The following ZNF135 variants were observed in gnomAD, a reference collection of about 807,000 sequenced individuals.
ZNF135 encodes zinc finger protein 135, also known as zinc finger protein 135 (clone pHZ-17).
A neutral mutation model predicts 12.3 loss-of-function variants in ZNF135; 11 were observed. The ratio of observed to expected loss-of-function variants is 0.89; its 90% CI spans 0.56 to 1.48. The LOEUF is 1.48. Among genes scored for constraint, ZNF135 ranks in the 40% most tolerant of loss-of-function variants. ZNF135 has a pLI of 0.00. For missense variants in ZNF135, 722 were observed against 815.7 expected (o/e 0.89, Z 1.40); for synonymous variants, 316 against 312.0 (o/e 1.01, Z -0.14).
chr19:58,067,997 C>CA lies in ZNF135; in HGVS notation c.1514dup (p.His505GlnfsTer47). On this transcript the variant is annotated frameshift_variant, in exon 5 of 5. Transcript: ENST00000313434. LOFTEE classifies it low-confidence loss of function (END_TRUNC). ...CAATGACTGCGGCAAGGCATTCAGTCACAGCTCGTCCCTCACCAAACATCA... is the reference window on the plus strand; with the variant it reads ...CAATGACTGCGGCAAGGCATTCAGTCAACAGCTCGTCCCTCACCAAACATCA... 6.2e-7 allele frequency: 1 copy of CA among 1,614,038 alleles called. No homozygotes were observed. Among genetic ancestry groups the CA allele is most frequent in the Non-Finnish European group, 8.5e-7 (1 of 1,180,008 alleles).
rs1019471881 is a variant in ZNF135 at position 58,065,586 on chromosome 19, GT to G, written c.257-1154del. Reference sequence around the variant, plus strand: ...CCATCTTCACAGTCAGCAAGGCCTGGTCAAGTCACATCATATTCACTCTGAC... The same window carrying G: ...CCATCTTCACAGTCAGCAAGGCCTGGCAAGTCACATCATATTCACTCTGAC... On this transcript the variant is annotated intron_variant, in intron 4 of 4. Coordinates refer to ENST00000313434, the MANE Select transcript of ZNF135 (RefSeq NM_001289401.2). This position sits in a 1 kb window ranked among gnomAD's most constrained non-coding sequence, Gnocchi z 4.0. Among the ~76,000 whole-genome samples the G allele has an allele frequency of 1.3e-5, 2 of 152,118 alleles. No individual in the cohort carries two copies. Among genetic ancestry groups the G allele is most frequent in the Non-Finnish European group, 2.9e-5 (2 of 68,022 alleles).
In ZNF135 at chr19:58,059,441, C is replaced by A; in HGVS notation, c.-35+131C>A. The A allele has an allele frequency of 1.0e-6, 1 of 996,910 alleles. No individual in the cohort carries two copies. Among genetic ancestry groups the A allele is most frequent in the Non-Finnish European group, 1.4e-6 (1 of 722,468 alleles). 61.8% of individuals were successfully genotyped at this position (996,910 alleles called of 1,614,324 possible). ...CAGCAGCGCGCGTCTGTGTGGAGTC[C>A]GTTTTGCTGCCCGGGGCCTGGGGAA... On this transcript the variant is annotated intron_variant, in intron 1 of 4. Transcript: ENST00000313434. This position sits in a 1 kb window ranked among gnomAD's most constrained non-coding sequence, Gnocchi z 6.5.
chr19:58,068,386 T>C lies in ZNF135; in HGVS notation c.1902T>C (p.Tyr634=), dbSNP rs1207232150. 4 of 1,614,188 alleles carry C rather than the reference T, an allele frequency of 2.5e-6. No homozygotes were observed. The Admixed American group carries it at 6.7e-5, about 27-fold the overall frequency. Residue 634 remains tyrosine, a synonymous_variant, in exon 5 of 5, where the codon TAT becomes TAC. Coordinates refer to ENST00000313434, the MANE Select transcript of ZNF135 (RefSeq NM_001289401.2). ...HRRIHTGEKP[Y]ACRDCGKAFT... ...GGATCCACACAGGAGAGAAGCCATA[T>C]GCATGCAGGGACTGTGGAAAGGCCT... is the stretch of plus-strand genomic sequence containing the variant.
rs138718353 is a variant in ZNF135 at position 58,060,326 on chromosome 19, G to A, written c.33+291G>A. ...GTGTCCGGCCTCTACCTGCACACCC[G>A]GCCTCCTAAAGTCCGCGCCAAGCTC... On this transcript the variant is annotated intron_variant, in intron 2 of 4. Coordinates refer to ENST00000313434, the MANE Select transcript of ZNF135 (RefSeq NM_001289401.2). The surrounding 1 kb of genome is among the most constrained non-coding windows in gnomAD (Gnocchi z 4.9). The A allele has an allele frequency of 2.2e-4, 298 of 1,341,234 alleles. No individual in the cohort carries two copies. In the African/African-American group the frequency reaches 3.8e-3, roughly 17 times the overall value. The allele number at this position is 1,341,234 out of a possible 1,614,324, so 83.1% of individuals were successfully genotyped here.
chr19:58,061,492 G>A (rs937070726), intron 2 of ZNF135, 88 bp from the exon 3 acceptor site: 23 of 1,513,670 alleles, frequency 1.5e-5, no homozygotes, highest in African/African-American at 2.8e-5. Context: ...AACTCCATCC[G>A]ACCCAGCCTG....
Position 58,060,780 on chromosome 19 carries a change from C to A in ZNF135, c.33+745C>A, listed in dbSNP as rs771149725. 5.6e-4 allele frequency among the ~76,000 whole-genome samples: 86 copies of A among 152,234 alleles called. No homozygotes were observed. Among genetic ancestry groups the A allele is most frequent in the Non-Finnish European group, 9.0e-4 (61 of 68,020 alleles). ...GGCTGCAGTGAGCCATGATGTGCCA[C>A]TGCACTCCAGCCTGAATGACAGTGG... On this transcript the variant is annotated intron_variant, in intron 2 of 4. Transcript: ENST00000313434. The surrounding 1 kb of genome is among the most constrained non-coding windows in gnomAD (Gnocchi z 4.9).
rs2074046430 is a variant in ZNF135 at position 58,065,314 on chromosome 19, C to A, written c.257-1427C>A. Among the ~76,000 whole-genome samples, 1 of 152,226 alleles carries A rather than the reference C, an allele frequency of 6.6e-6. No homozygotes were observed. The highest frequency in any genetic ancestry group is 2.1e-4 in the South Asian group (1 of 4,818). ...GCTCAGGTGATCCTCCTGCCTCAGC[C>A]TCCTGAGTAGCTGAGACTACAGGTG... On this transcript the variant is annotated intron_variant, in intron 4 of 4. Coordinates refer to ENST00000313434, the MANE Select transcript of ZNF135 (RefSeq NM_001289401.2). This position sits in a 1 kb window ranked among gnomAD's most constrained non-coding sequence, Gnocchi z 4.0.
chr19:58,059,657 G>A lies in ZNF135; in HGVS notation c.-34-312G>A. 5.8e-6 allele frequency: 3 copies of A among 512,834 alleles called. No individual in the cohort carries two copies. The highest frequency in any genetic ancestry group is 6.8e-6 in the Non-Finnish European group (2 of 292,754). 31.8% of individuals were successfully genotyped at this position (512,834 alleles called of 1,614,324 possible). A position where few individuals can be genotyped will look rare whatever the true frequency, so the allele number is the denominator to read the frequency against. ...CCTTTGTTGATGGAAGAGAGAAACT[G>A]AGGCATAGTGCCCAGGGCCAGGGGA... On this transcript the variant is annotated intron_variant, in intron 1 of 4. Coordinates refer to ENST00000313434, the MANE Select transcript of ZNF135 (RefSeq NM_001289401.2). This position sits in a 1 kb window ranked among gnomAD's most constrained non-coding sequence, Gnocchi z 6.5.
chr19:58,068,797 C>T lies in ZNF135; in HGVS notation c.*336C>T. ...AGTGGATCCAGGGAACGCTTTTGTC[C>T]AAGGATTCACCGTATTCCAAACCAG... On this transcript the variant is annotated 3_prime_UTR_variant, in exon 5 of 5. Coordinates refer to ENST00000313434, the MANE Select transcript of ZNF135 (RefSeq NM_001289401.2). The T allele has an allele frequency of 4.5e-6, 1 of 220,004 alleles. No homozygotes were observed. The highest frequency in any genetic ancestry group is 1.1e-4 in the South Asian group (1 of 8,950). The allele number at this position is 220,004 out of a possible 1,614,324, so 13.6% of individuals were successfully genotyped here.
At chr19:58,061,099 G>T (rs1447347051) in intron 2 of ZNF135, among the ~76,000 whole-genome samples, 1 of 150,176 alleles carries the variant, frequency 6.7e-6, no homozygotes, top group Non-Finnish European at 1.5e-5. Flanking sequence ...CTGCACTCTA[G>T]CCTGGGCGAC....
rs768544761 is a variant in ZNF135, at chr19:58,068,524, T to G, written c.*63T>G. 2 of 1,552,146 alleles carry G rather than the reference T, an allele frequency of 1.3e-6. No homozygotes were observed. The highest frequency in any genetic ancestry group is 8.7e-7 in the Non-Finnish European group (1 of 1,149,166). On this transcript the variant is annotated 3_prime_UTR_variant, in exon 5 of 5. Coordinates refer to ENST00000313434, the MANE Select transcript of ZNF135 (RefSeq NM_001289401.2). ...AAGCCATAGCTCATCCCTTTCTAGA[T>G]TTGACCCAATCATACACATGAGAAA...
At position 58,059,411 on chromosome 19, in the gene ZNF135, GT is replaced by G; in HGVS notation, c.-35+104del. 1 of 985,094 alleles carries G rather than the reference GT, an allele frequency of 1.0e-6. No homozygotes were observed. Among genetic ancestry groups the G allele is most frequent in the Non-Finnish European group, 1.4e-6 (1 of 720,736 alleles). The allele number at this position is 985,094 out of a possible 1,614,324, so 61.0% of individuals were successfully genotyped here. A position where few individuals can be genotyped will look rare whatever the true frequency, so the allele number is the denominator to read the frequency against. Reference sequence around the variant, plus strand: ...TCTTCCTGAGGCCCTGGCGGGGCGAGTTTCCAGCAGCGCGCGTCTGTGTGGA... The same window carrying G: ...TCTTCCTGAGGCCCTGGCGGGGCGAGTTCCAGCAGCGCGCGTCTGTGTGGA... On this transcript the variant is annotated intron_variant, in intron 1 of 4. Transcript: ENST00000313434. This position sits in a 1 kb window ranked among gnomAD's most constrained non-coding sequence, Gnocchi z 6.5.
In ZNF135 at chr19:58,059,398, C is replaced by T. The variant is rs527739398; in HGVS notation, c.-35+88C>T. 1 of 921,760 alleles carries T rather than the reference C, an allele frequency of 1.1e-6. No individual in the cohort carries two copies. Among genetic ancestry groups the T allele is most frequent in the South Asian group, 1.9e-5 (1 of 52,262 alleles). The allele number at this position is 921,760 out of a possible 1,614,324, so 57.1% of individuals were successfully genotyped here. A position where few individuals can be genotyped will look rare whatever the true frequency, so the allele number is the denominator to read the frequency against. ...GGGGGTCCGGGGATCTTCCTGAGGC[C>T]CTGGCGGGGCGAGTTTCCAGCAGCG... On this transcript the variant is annotated intron_variant, in intron 1 of 4. Coordinates refer to ENST00000313434, the MANE Select transcript of ZNF135 (RefSeq NM_001289401.2). The surrounding 1 kb of genome is among the most constrained non-coding windows in gnomAD (Gnocchi z 6.5).
In ZNF135 at chr19:58,065,582, C is replaced by G. The variant is rs1221742510; in HGVS notation, c.257-1159C>G. 2.6e-5 allele frequency among the ~76,000 whole-genome samples: 4 copies of G among 152,188 alleles called. No homozygotes were observed. Among genetic ancestry groups the G allele is most frequent in the African/African-American group, 9.7e-5 (4 of 41,440 alleles). On this transcript the variant is annotated intron_variant, in intron 4 of 4. Transcript: ENST00000313434. This position sits in a 1 kb window ranked among gnomAD's most constrained non-coding sequence, Gnocchi z 4.0. ...TTGTCCATCTTCACAGTCAGCAAGG[C>G]CTGGTCAAGTCACATCATATTCACT...
At position 58,067,169 on chromosome 19, in the gene ZNF135, C is replaced by T. The variant is rs747580780; in HGVS notation, c.685C>T (p.Leu229Phe). 3.7e-5 allele frequency: 59 copies of T among 1,614,056 alleles called. No individual in the cohort carries two copies. The highest frequency in any genetic ancestry group is 4.3e-5 in the Non-Finnish European group (51 of 1,180,044). ...CGKAFSHSSA[L>F]IEHHRTHTGE... ...AAAGGCCTTTAGTCACAGCTCAGCA[C>T]TTATCGAACACCACCGGACGCACAC... The change falls in exon 5 of 5, where the codon CTT (leucine) becomes TTT (phenylalanine). Residue 229 changes from leucine to phenylalanine, a missense_variant. Transcript: ENST00000313434.
In ZNF135 at chr19:58,068,165, C is replaced by G. The variant is rs754735230; in HGVS notation, c.1681C>G (p.Gln561Glu). ...TAACCAGTGTGGCAGAGCCTTCAGC[C>G]AGAGCTCCCTTCTCATCGAACACCA... ...ECNQCGRAFS[Q>E]SSLLIEHQRI... Residue 561 changes from glutamine (Q) to glutamate (E), a missense_variant, in exon 5 of 5, where the codon CAG becomes GAG. Gln to Glu is a conservative substitution (Grantham distance 29). Transcript: ENST00000313434. The G allele has an allele frequency of 6.2e-7, 1 of 1,613,912 alleles. No homozygotes were observed. The highest frequency in any genetic ancestry group is 1.7e-5 in the Admixed American group (1 of 59,978).
At chr19:58,061,034 A>T (rs1465976285) in intron 2 of ZNF135, among the ~76,000 whole-genome samples, 1 of 151,624 alleles carries the variant, frequency 6.6e-6, no homozygotes. Context: ...AGGCTGAGGC[A>T]GGAGAATGGC....
rs192195106 is a variant in ZNF135, at chr19:58,060,922, C to G, written c.34-658C>G. Among the ~76,000 whole-genome samples the G allele has an allele frequency of 9.9e-5, 15 of 152,042 alleles. No individual in the cohort carries two copies. Among genetic ancestry groups the G allele is most frequent in the Admixed American group, 3.9e-4 (6 of 15,254 alleles). On this transcript the variant is annotated intron_variant, in intron 2 of 4. Transcript: ENST00000313434. This position sits in a 1 kb window ranked among gnomAD's most constrained non-coding sequence, Gnocchi z 4.9. ...TGGGCGGATCACGAGGTCAGGAGAT[C>G]GAGACCATCCTGGCGAACACGGTGA...
At position 58,061,618 on chromosome 19, in the gene ZNF135, C is replaced by T. The variant is rs1014393237; in HGVS notation, c.72C>T (p.Ser24=). The change falls in exon 3 of 5, where the codon AGC becomes AGT. Residue 24 remains serine, a synonymous_variant. Coordinates refer to ENST00000313434, the MANE Select transcript of ZNF135 (RefSeq NM_001289401.2). The part of the protein sequence containing the change: ...VTFEDVVVGF[S]QEEWGQLKPA... Reference sequence around the variant, plus strand: ...TTGAGGACGTGGTAGTGGGCTTCAGCCAGGAGGAGTGGGGGCAGCTGAAGC... The same window carrying T: ...TTGAGGACGTGGTAGTGGGCTTCAGTCAGGAGGAGTGGGGGCAGCTGAAGC... 4 of 1,613,364 alleles carry T rather than the reference C, an allele frequency of 2.5e-6. No individual in the cohort carries two copies. In the African/African-American group the frequency reaches 4.0e-5, roughly 16 times the overall value.
Sources: gnomAD v4.1 joint callset for allele counts (sites outside exome capture counted in the v4.1 genomes callset) on GRCh38, gnomAD v4.1.1 for gene constraint, Gnocchi (gnomAD v3.1) non-coding constraint, MANE v1.5 for transcripts, NCBI Gene and HGNC (gene_info 2026-07-23, HGNC 2026-07-21) for gene names.